Variants in RPS6KA6 observed in about 807,000 individuals in gnomAD.
RPS6KA6 encodes the protein ribosomal protein S6 kinase alpha-6.
RPS6KA6 carries 27 observed loss-of-function variants against 65.4 expected under a neutral mutation model. The ratio of observed to expected loss-of-function variants is 0.41; its 90% confidence interval spans 0.30 to 0.57. The LOEUF is 0.57. Among genes scored for constraint, RPS6KA6 ranks in the 20% least tolerant of loss-of-function variants. The pLI, the probability that RPS6KA6 is intolerant of heterozygous loss-of-function variation, is 0.24. For missense variants in RPS6KA6, 486 were observed against 555.6 expected, an observed-to-expected ratio of 0.87 and a Z score of 1.26; for synonymous variants, 190 against 184.2, an observed-to-expected ratio of 1.03 and a Z score of -0.26.
At chrX:84,183,691 C>A (rs1318695199) in intron 1 of RPS6KA6, among the ~76,000 whole-genome samples, 1 of 111,038 alleles carries the variant, frequency 9.0e-6, no homozygotes, top group Non-Finnish European at 1.9e-5. Flanking sequence ...TTATATTGTG[C>A]CCATCCACGT....
chrX:84,151,388 G>A (rs370195772), intron 3 of RPS6KA6, among the ~76,000 whole-genome samples: 1 of 109,193 alleles, frequency 9.2e-6, no homozygotes, highest in Non-Finnish European at 1.9e-5. Context: ...AGAAAATGAC[G>A]TCAATGTGGC....
In RPS6KA6 at chrX:84,070,232, A is replaced by G. The variant is rs753063243; in HGVS notation, c.1972-5121T>C. Among the ~76,000 whole-genome samples, 5 of 112,054 alleles carry G rather than the reference A, an allele frequency of 4.5e-5. No individual in the cohort carries two copies. In the Admixed American group the frequency reaches 4.7e-4, roughly 11 times the overall value. On this transcript the variant is annotated intron_variant, in intron 20 of 21. Transcript: ENST00000262752. ...CAACATGGAATATTATGCAGCCATC[A>G]TGTCCTTTGCAGGCACATGGATGAA...
chrX:84,107,004 T>G lies in RPS6KA6; in HGVS notation c.1148A>C (p.Gln383Pro). ...PGLPASANAH[Q>P]LFKGFSFVAT... ...AACAAAGCTGAATCCTTTGAAGAGC[T>G]GATGAGCATTTGCACTGGCTGGCAA... Residue 383 changes from glutamine (Q) to proline (P), a missense_variant, in exon 14 of 22, where the codon CAG (glutamine) becomes CCG (proline). Around this residue, in one of 3 missense-constraint regions of RPS6KA6, gnomAD observed 345 missense variants for 375.0 expected, o/e 0.92. Transcript: ENST00000262752. 1 of 1,202,870 alleles carries G rather than the reference T, an allele frequency of 8.3e-7. No individual in the cohort carries two copies. Among genetic ancestry groups the G allele is most frequent in the South Asian group, 1.8e-5 (1 of 55,306 alleles).
chrX:84,163,185 T>C (rs6616908), intron 2 of RPS6KA6, among the ~76,000 whole-genome samples: 6,874 of 111,473 alleles, frequency 0.062, 231 homozygotes, highest in East Asian at 0.21. Flanking sequence ...CAGGTCTACA[T>C]AATATATCTG....
chrX:84,156,375 C>T (rs1602470849), intron 2 of RPS6KA6, among the ~76,000 whole-genome samples, 184 bp from the exon 3 acceptor site: 1 of 111,217 alleles, frequency 9.0e-6, no homozygotes, highest in Non-Finnish European at 1.9e-5. Flanking sequence ...TGCACCACCA[C>T]CACCTTCCCT....
intron 1 of RPS6KA6, chrX:84,186,127 GGTAGAGAGACCC>G: frequency 2.0e-6 from 1 of 511,296 alleles, no homozygotes. Context: ...AAATTGCTGA[GGTAGAGAGACCC>G]ATTGTTAAAT....
At chrX:84,157,046 T>C (rs1006835460) in intron 2 of RPS6KA6, among the ~76,000 whole-genome samples, 6 of 112,421 alleles carry the variant, frequency 5.3e-5, no homozygotes, top group Middle Eastern at 4.6e-3. Context: ...CATTCCATTA[T>C]AGCATACTAA....
chrX:84,187,775 G>A (rs1480378179), intron 1 of RPS6KA6, 44 bp downstream of exon 1: 4 of 1,148,224 alleles, frequency 3.5e-6, no homozygotes, highest in African/African-American at 1.8e-5. Context: ...TTGAGGGGAA[G>A]GAGGCGGGGG....
chrX:84,120,614 G>T (rs1486073961), intron 8 of RPS6KA6, among the ~76,000 whole-genome samples: 1 of 111,095 alleles, frequency 9.0e-6, no homozygotes, highest in African/African-American at 3.3e-5. Flanking sequence ...ATATATGCAA[G>T]AATTATATGC....
rs776071473 is a variant in RPS6KA6 at position 84,187,872 on chromosome X, G to A, written c.28C>T (p.Pro10Ser). The change falls in exon 1 of 22, where the codon CCC (proline) becomes TCC (serine). Residue 10 changes from proline to serine, a missense_variant. By Grantham distance (74) the Pro-to-Ser change is moderately conservative. Transcript: ENST00000262752. ...AACACTTCCATTTCTCGGTCCCAGG[G>A]CTCGTCCTGAGGAGCGAATGGTAGC... MLPFAPQDE[P>S]WDREMEVFSG... 12 of 1,198,461 alleles carry A rather than the reference G, an allele frequency of 1.0e-5. No individual in the cohort carries two copies. Among genetic ancestry groups the A allele is most frequent in the Non-Finnish European group, 1.1e-5 (10 of 889,764 alleles).
chrX:84,108,548 G>A (rs183252490), intron 12 of RPS6KA6, among the ~76,000 whole-genome samples: 61 of 111,893 alleles, frequency 5.5e-4, no homozygotes, highest in Non-Finnish European at 7.0e-4. Context: ...CTGGTGTGGA[G>A]CCAGGAGATC....
intron 20 of RPS6KA6, among the ~76,000 whole-genome samples, chrX:84,083,303 G>C (rs771228368): frequency 8.9e-6 from 1 of 112,351 alleles, no homozygotes; most frequent in Non-Finnish European, 1.9e-5. Context: ...CGTCTGCCAT[G>C]GTGGTTTGCT....
At chrX:84,183,552 G>C (rs12689237) in intron 1 of RPS6KA6, among the ~76,000 whole-genome samples, 1,524 of 111,410 alleles carry the variant, frequency 0.014, 34 homozygotes, top group East Asian at 0.12. Context: ...GGCTTAAAAA[G>C]TCCCATTCAA....
chrX:84,067,719 C>T (rs891337005), intron 20 of RPS6KA6, among the ~76,000 whole-genome samples: 2 of 111,397 alleles, frequency 1.8e-5, no homozygotes, highest in Non-Finnish European at 3.8e-5. Context: ...GGAGAACTTC[C>T]CCAACCTAGC....
chrX:84,094,980 A>G (rs770686737), intron 20 of RPS6KA6, among the ~76,000 whole-genome samples: 1 of 112,234 alleles, frequency 8.9e-6, no homozygotes, highest in South Asian at 3.7e-4. Flanking sequence ...TTACAAATAA[A>G]CCAAATTGCA....
Position 84,188,015 on chromosome X carries a change from C to T in RPS6KA6, c.-116G>A. The T allele has an allele frequency of 2.2e-6, 1 of 448,743 alleles. No individual in the cohort carries two copies. The highest frequency in any genetic ancestry group is 2.8e-5 in the African/African-American group (1 of 35,490). 37.0% of individuals were successfully genotyped at this position (448,743 alleles called of 1,213,427 possible). A position where few individuals can be genotyped will look rare whatever the true frequency, so the allele number is the denominator to read the frequency against. On this transcript the variant is annotated 5_prime_UTR_variant, in exon 1 of 22. Coordinates refer to ENST00000262752, the MANE Select transcript of RPS6KA6 (RefSeq NM_014496.5). ...GCCGCCGCCGCCGCCGCCGCGACCC[C>T]CAGCCCCGCCTTCAGCGAGCGCTGC... is the stretch of plus-strand genomic sequence containing the variant.
At chrX:84,150,235 T>C (rs1313971203) in intron 3 of RPS6KA6, among the ~76,000 whole-genome samples, 1 of 111,780 alleles carries the variant, frequency 8.9e-6, no homozygotes, top group Non-Finnish European at 1.9e-5. Context: ...TTTGATCTTC[T>C]ATTTAGACCA....
chrX:84,103,795 C>T (rs769574268), intron 17 of RPS6KA6, among the ~76,000 whole-genome samples: 2 of 110,808 alleles, frequency 1.8e-5, no homozygotes, highest in Non-Finnish European at 3.8e-5. Flanking sequence ...AAATTGAGTA[C>T]TATTTTTACT....
At chrX:84,162,336 A>G (rs1441339273) in intron 2 of RPS6KA6, among the ~76,000 whole-genome samples, 2 of 111,573 alleles carry the variant, frequency 1.8e-5, no homozygotes, top group African/African-American at 6.5e-5. Flanking sequence ...GTTTTTAATC[A>G]CTCATGTAGT....
Sources: gnomAD v4.1 joint callset for allele counts (sites outside exome capture counted in the v4.1 genomes callset) on GRCh38, gnomAD v4.1.1 for gene constraint, gnomAD v4.1.1 regional missense constraint, MANE v1.5 for transcripts, NCBI Gene and HGNC (gene_info 2026-07-23, HGNC 2026-07-21) for gene names.